FAM186A: variants seen among roughly 807,000 people sequenced by gnomAD.
The protein encoded by FAM186A is protein FAM186A.
In FAM186A, 163 loss-of-function variants were observed where a neutral mutation model predicts 216.8. That is an observed-to-expected ratio of 0.75 (90% CI 0.66 to 0.86). The LOEUF (loss-of-function observed/expected upper bound fraction) is 0.86. FAM186A is among the 40% of genes least tolerant of loss of function. FAM186A has a pLI of 0.00. For synonymous variants in FAM186A, 805 were observed against 1,025.3 expected (o/e 0.79, Z 4.10); for missense variants, 2,184 against 2,746.2 (o/e 0.80, Z 4.58).
At chr12:50,349,649 TA>T (rs1942855094) in intron 4 of FAM186A, among the ~76,000 whole-genome samples, 1 of 274 alleles carries the variant, frequency 3.6e-3, no homozygotes, top group Non-Finnish European at 0.042. Context: ...GATCTCTTTT[TA>T]TTATTATTAT....
At chr12:50,330,863 C>T in intron 6 of FAM186A, 105 bp from the exon 7 acceptor site, 1 of 998,754 alleles carries the variant, frequency 1.0e-6, no homozygotes, top group Non-Finnish European at 1.4e-6. Flanking sequence ...TCCTATAATG[C>T]CTTCCCCTTG....
intron 1 of FAM186A, among the ~76,000 whole-genome samples, chr12:50,369,531 C>G (rs1261405544): frequency 6.7e-6 from 1 of 149,372 alleles, no homozygotes; most frequent in Non-Finnish European, 1.5e-5. Context: ...TGGACTATAT[C>G]AAAGTTAAAA....
At chr12:50,337,459 ATTT>A (rs770966416) in intron 4 of FAM186A, among the ~76,000 whole-genome samples, 3 of 133,516 alleles carry the variant, frequency 2.2e-5, no homozygotes, top group Non-Finnish European at 1.6e-5. Context: ...AGGCCTGCCA[ATTT>A]TTTTTTTTTT....
intron 1 of FAM186A, among the ~76,000 whole-genome samples, chr12:50,368,070 G>T (rs2136099945): frequency 6.6e-6 from 1 of 152,004 alleles, no homozygotes; most frequent in East Asian, 1.9e-4. Flanking sequence ...ACTTGAACCT[G>T]GGAGGCAGAG....
chr12:50,372,916 A>C (rs1376394058), intron 1 of FAM186A, among the ~76,000 whole-genome samples: 1 of 147,874 alleles, frequency 6.8e-6, no homozygotes, highest in Non-Finnish European at 1.5e-5. Context: ...AAAAAAAAAA[A>C]AGAAAAAAGA....
Position 50,351,389 on chromosome 12 carries a change from C to T in FAM186A, c.5443G>A (p.Ala1815Thr). ...CCAGGGGAGGGAGGGGCCTGTGGTG[C>T]CGGGAACTGCGCAGAAGTGGATTGA... ...GGQSTSAQFP[A>T]PQAPPSPGQL... The change falls in exon 4 of 8, where the codon GCA becomes ACA. Residue 1815 changes from alanine (A) to threonine (T), a missense_variant. By Grantham distance (58) the Ala-to-Thr change is moderately conservative. Transcript: ENST00000327337. 6.8e-7 allele frequency: 1 copy of T among 1,470,870 alleles called. No individual in the cohort carries two copies. Among genetic ancestry groups the T allele is most frequent in the Non-Finnish European group, 9.0e-7 (1 of 1,112,570 alleles). 91.1% of individuals were successfully genotyped at this position (1,470,870 alleles called of 1,614,324 possible).
chr12:50,345,701 A>T (rs1308714906), intron 4 of FAM186A, among the ~76,000 whole-genome samples: 1 of 151,962 alleles, frequency 6.6e-6, no homozygotes, highest in Non-Finnish European at 1.5e-5. Context: ...TGTTCCATTG[A>T]TCTATGTGTC....
At chr12:50,395,275 CAGG>C (rs755832189) in intron 1 of FAM186A, among the ~76,000 whole-genome samples, 62 of 151,408 alleles carry the variant, frequency 4.1e-4, no homozygotes, top group Non-Finnish European at 8.1e-4. Context: ...TTTTAGTAGA[CAGG>C]AGGTCTCCTT....
At position 50,396,564 on chromosome 12, in the gene FAM186A, A is replaced by G; in HGVS notation, c.-80T>C. On this transcript the variant is annotated 5_prime_UTR_variant, in exon 1 of 8. Coordinates refer to ENST00000327337, the MANE Select transcript of FAM186A (RefSeq NM_001145475.3). ...AATGCTAATAAAGATATCCAGTAGG[A>G]AGCTAGGAGAGGTCTTTCCTGATCC... 7.3e-7 allele frequency: 1 copy of G among 1,366,944 alleles called. No individual in the cohort carries two copies. Among genetic ancestry groups the G allele is most frequent in the Non-Finnish European group, 9.8e-7 (1 of 1,015,996 alleles). The allele number at this position is 1,366,944 out of a possible 1,614,324, so 84.7% of individuals were successfully genotyped here.
rs1235764208 is a variant in FAM186A at position 50,363,123 on chromosome 12, T to G, written c.412+22A>C. On this transcript the variant is annotated intron_variant, in intron 2 of 7. Coordinates refer to ENST00000327337, the MANE Select transcript of FAM186A (RefSeq NM_001145475.3). ...TTTCATTAACTTTATGGTTTTCCTC[T>G]GAACCGCTTCTGTAAACTTACTCCA... 2.0e-6 allele frequency: 3 copies of G among 1,518,410 alleles called. No homozygotes were observed. In the Admixed American group the frequency reaches 6.6e-5, roughly 33 times the overall value. 94.1% of individuals were successfully genotyped at this position (1,518,410 alleles called of 1,614,324 possible). A position where few individuals can be genotyped will look rare whatever the true frequency, so the allele number is the denominator to read the frequency against.
chr12:50,382,246 C>CAA lies in FAM186A; in HGVS notation c.192+14045_192+14046dup, dbSNP rs562315357. On this transcript the variant is annotated intron_variant, in intron 1 of 7. Transcript: ENST00000327337. ...GGGTGACAAGAGCAAAACTCCAACT[C>CAA]AAAAAAAAAAAAAAAAAAGACACAC... 2.9e-3 allele frequency among the ~76,000 whole-genome samples: 163 copies of CAA among 57,154 alleles called. 2 individuals are homozygous for CAA. The highest frequency in any genetic ancestry group is 7.0e-3 in the African/African-American group (137 of 19,692). 37.5% of individuals were successfully genotyped at this position (57,154 alleles called of 152,430 possible).
In FAM186A at chr12:50,373,807, AC is replaced by A. The variant is rs1303113895; in HGVS notation, c.193-10444del. ...CCAGCCATCCCATTACTGGGTATAT[AC>A]CCAAGGGATTATAAATCATGCTGCT... On this transcript the variant is annotated intron_variant, in intron 1 of 7. Coordinates refer to ENST00000327337, the MANE Select transcript of FAM186A (RefSeq NM_001145475.3). Among the ~76,000 whole-genome samples, 6 of 152,256 alleles carry A rather than the reference AC, an allele frequency of 3.9e-5. No individual in the cohort carries two copies. The East Asian group carries it at 1.2e-3, about 29-fold the overall frequency.
chr12:50,360,528 T>C (rs1943022532), intron 3 of FAM186A, among the ~76,000 whole-genome samples: 1 of 150,544 alleles, frequency 6.6e-6, no homozygotes, highest in Admixed American at 6.6e-5. Flanking sequence ...CTACTAAAAA[T>C]ACAAAAATTA....
Position 50,354,567 on chromosome 12 carries a change from T to A in FAM186A, c.2265A>T (p.Val755=). 3 of 1,551,182 alleles carry A rather than the reference T, an allele frequency of 1.9e-6. No individual in the cohort carries two copies. The highest frequency in any genetic ancestry group is 2.6e-6 in the Non-Finnish European group (3 of 1,146,910). ...VGEKPIKQKK[V]VSFMPGLHFQ... is the part of the protein sequence containing the mutation. ...AATGCAATCCTGGCATAAATGAGAC[T>A]ACCTTTTTTTGTTTTATAGGTTTCT... is the stretch of plus-strand genomic sequence containing the variant. Residue 755 remains valine, a synonymous_variant, in exon 4 of 8, where the codon GTA becomes GTT. Transcript: ENST00000327337.
chr12:50,365,586 T>G (rs1025486913), intron 1 of FAM186A: 8 of 484,052 alleles, frequency 1.7e-5, no homozygotes, highest in Admixed American at 7.0e-5. Flanking sequence ...GTCCGTATAA[T>G]AAGAGTAAGA....
At chr12:50,379,430 A>G (rs1303901561) in intron 1 of FAM186A, among the ~76,000 whole-genome samples, 1 of 121,554 alleles carries the variant, frequency 8.2e-6, no homozygotes, top group Non-Finnish European at 1.7e-5. Context: ...ACAGAGCGAG[A>G]CTCCCTCTCA....
At chr12:50,340,879 T>C (rs1320864340) in intron 4 of FAM186A, among the ~76,000 whole-genome samples, 1 of 151,738 alleles carries the variant, frequency 6.6e-6, no homozygotes, top group Non-Finnish European at 1.5e-5. Flanking sequence ...TCACTGCAAC[T>C]TCTGCCTCCC....
intron 7 of FAM186A, 117 bp from the exon 8 acceptor site, chr12:50,327,521 G>T: frequency 1.5e-5 from 9 of 588,156 alleles, no homozygotes; most frequent in Non-Finnish European, 2.1e-5. Context: ...AGATAAACTA[G>T]TAAAATCTGT....
intron 1 of FAM186A, among the ~76,000 whole-genome samples, chr12:50,389,287 G>A (rs2136107968): frequency 6.6e-6 from 1 of 152,094 alleles, no homozygotes; most frequent in South Asian, 2.1e-4. Context: ...GATCACCTGA[G>A]TTCGGGAATT....
Sources: allele counts gnomAD v4.1 joint callset (sites outside exome capture counted in the v4.1 genomes callset), GRCh38; gene constraint gnomAD v4.1.1; transcripts MANE v1.5; gene names NCBI Gene and HGNC (gene_info 2026-07-23, HGNC 2026-07-21).